CMSS1: variants seen among roughly 807,000 people sequenced by gnomAD.
CMSS1 encodes the protein protein CMSS1.
Under a neutral mutation model 43.5 loss-of-function variants are expected in CMSS1, and 33 were observed. The observed-to-expected ratio is 0.76, with a 90% CI of 0.57 to 1.01. The LOEUF (loss-of-function observed/expected upper bound fraction) is 1.01, where lower values mean the gene tolerates loss of function less well. Ranked by LOEUF, CMSS1 falls within the 50% of genes least tolerant of loss-of-function variation. The probability of loss-of-function intolerance (pLI) is 0.00; values close to 1 mark genes in which losing one functional copy is unlikely to be tolerated. For missense variants in CMSS1, 313 were observed against 326.4 expected (o/e 0.96, Z 0.32); for synonymous variants, 115 against 117.2 (o/e 0.98, Z 0.12).
intron 1 of CMSS1, among the ~76,000 whole-genome samples, chr3:100,042,185 A>G (rs1208741611): frequency 2.0e-5 from 3 of 152,246 alleles, no homozygotes; most frequent in African/African-American, 7.2e-5. Context: ...GTGGCAGTAG[A>G]TGAAAACAAT....
chr3:100,006,801 C>T (rs1263667718), intron 1 of CMSS1, among the ~76,000 whole-genome samples: 1 of 152,158 alleles, frequency 6.6e-6, no homozygotes, highest in African/African-American at 2.4e-5. Context: ...GGCATGTCAG[C>T]CAAAGTAAAC....
At chr3:100,135,438 A>ATATG (rs1491195525) in intron 1 of CMSS1, among the ~76,000 whole-genome samples, 10 of 120,734 alleles carry the variant, frequency 8.3e-5, no homozygotes, top group African/African-American at 2.3e-4. Context: ...GTGTGTGTGC[A>ATATG]TGTGTGTGTG....
At chr3:99,851,182 T>C in intron 1 of CMSS1, 9 of 831,328 alleles carry the variant, frequency 1.1e-5, no homozygotes, top group Non-Finnish European at 1.6e-5. Flanking sequence ...GCTGTGTCAG[T>C]TCATATACAA....
At chr3:99,954,652 C>T (rs770031959) in intron 1 of CMSS1, among the ~76,000 whole-genome samples, 2 of 151,994 alleles carry the variant, frequency 1.3e-5, no homozygotes, top group Non-Finnish European at 2.9e-5. Flanking sequence ...ATGGTGAAAC[C>T]CCGTCTCTAC....
chr3:100,126,579 C>G (rs566643613), intron 1 of CMSS1, among the ~76,000 whole-genome samples: 1 of 152,230 alleles, frequency 6.6e-6, no homozygotes, highest in African/African-American at 2.4e-5. Flanking sequence ...TCTTATTTTT[C>G]TTTCATATTC....
In CMSS1 at chr3:100,176,407, A is replaced by G. The variant is rs144381639; in HGVS notation, c.748A>G (p.Ile250Val). The G allele has an allele frequency of 6.2e-7, 1 of 1,611,084 alleles. No individual in the cohort carries two copies. The highest frequency in any genetic ancestry group is 8.5e-7 in the Non-Finnish European group (1 of 1,177,440). ...TCAGAAGTTGAGGAGAATGATGGAC[A>G]TTCCCGAGGTACCACGTAACCAGCA... ...RDQKLRRMMD[I>V]PEIRKEVFEL... The change falls in exon 9 of 10, where the codon ATT (isoleucine) becomes GTT (valine). Residue 250 changes from isoleucine to valine, a missense_variant. Ile to Val is a conservative substitution (Grantham distance 29). Transcript: ENST00000421999.
rs1492341 is a variant in CMSS1 at position 99,869,703 on chromosome 3, C to T, written c.64+51660C>T. On this transcript the variant is annotated intron_variant, in intron 1 of 9. Coordinates refer to ENST00000421999, the MANE Select transcript of CMSS1 (RefSeq NM_032359.4). ...CAGGCAGACACTTAAGTCTTGCGAG[C>T]CCAAATGTGATGTTTTACATTCCAC... is the stretch of plus-strand genomic sequence containing the variant. Among the ~76,000 whole-genome samples the T allele has an allele frequency of 4.6e-5, 7 of 152,266 alleles. No homozygotes were observed. In the East Asian group the frequency reaches 1.4e-3, roughly 29 times the overall value.
intron 1 of CMSS1, among the ~76,000 whole-genome samples, chr3:100,115,573 CTGT>C (rs2066554929): frequency 9.9e-6 from 1 of 100,578 alleles, no homozygotes; most frequent in Non-Finnish European, 2.1e-5. Flanking sequence ...CTCTCTCTCT[CTGT>C]CTCTCTCTCT....
chr3:100,119,872 T>C (rs527335916), intron 1 of CMSS1, among the ~76,000 whole-genome samples: 182 of 152,338 alleles, frequency 1.2e-3, no homozygotes, highest in African/African-American at 4.2e-3. Context: ...ATATGTAAAA[T>C]TGAAAGTTCT....
chr3:99,869,415 A>G (rs951293892), intron 1 of CMSS1, among the ~76,000 whole-genome samples: 3 of 152,236 alleles, frequency 2.0e-5, no homozygotes, highest in Non-Finnish European at 4.4e-5. Flanking sequence ...GCGACTTCAA[A>G]CATAATGTAT....
chr3:100,177,266 G>T (rs571064975), intron 9 of CMSS1, among the ~76,000 whole-genome samples: 1 of 152,126 alleles, frequency 6.6e-6, no homozygotes, highest in Non-Finnish European at 1.5e-5. Context: ...AAAACAATTT[G>T]CTCAGTTACA....
chr3:99,849,970 T>G, intron 1 of CMSS1: 3 of 1,612,658 alleles, frequency 1.9e-6, no homozygotes, highest in Non-Finnish European at 2.5e-6. Flanking sequence ...TTTCAATTTG[T>G]TTTTTAAATC....
intron 7 of CMSS1, 113 bp downstream of exon 7, chr3:100,172,012 G>A: frequency 1.2e-6 from 1 of 831,042 alleles, no homozygotes; most frequent in South Asian, 1.7e-5. Flanking sequence ...CCTTCCTTAT[G>A]TAACATTTAA....
At chr3:100,145,748 A>G (rs2066844338) in intron 1 of CMSS1, among the ~76,000 whole-genome samples, 1 of 152,238 alleles carries the variant, frequency 6.6e-6, no homozygotes, top group South Asian at 2.1e-4. Flanking sequence ...AGGCAGGAAT[A>G]ATTCTCCCTT....
intron 1 of CMSS1, among the ~76,000 whole-genome samples, chr3:100,104,539 G>T (rs1446389246): frequency 6.6e-6 from 1 of 152,192 alleles, no homozygotes; most frequent in South Asian, 2.1e-4. Context: ...ACATAGGCCT[G>T]TGTTCCCAAG....
intron 1 of CMSS1, among the ~76,000 whole-genome samples, chr3:99,999,489 T>A (rs1709781473): frequency 1.3e-5 from 2 of 152,196 alleles, no homozygotes. Flanking sequence ...CAGACTTTAT[T>A]TAGAGTTGGA....
In CMSS1 at chr3:100,146,997, G is replaced by C; in HGVS notation, c.89G>C (p.Gly30Ala). 10 of 1,613,842 alleles carry C rather than the reference G, an allele frequency of 6.2e-6. No homozygotes were observed. The highest frequency in any genetic ancestry group is 8.5e-6 in the Non-Finnish European group (10 of 1,179,764). ...SPEASDGEGE[G>A]DTEVMQQETV... ...GAAGCATCAGATGGTGAAGGAGAAG[G>C]AGACACAGAAGTGATGCAGCAGGAG... Residue 30 changes from glycine (G) to alanine (A), a missense_variant, in exon 2 of 10, where the codon GGA becomes GCA. By Grantham distance (60) the Gly-to-Ala change is moderately conservative. Coordinates refer to ENST00000421999, the MANE Select transcript of CMSS1 (RefSeq NM_032359.4).
intron 1 of CMSS1, among the ~76,000 whole-genome samples, chr3:99,999,992 A>G (rs969546140): frequency 2.6e-5 from 4 of 152,302 alleles, no homozygotes; most frequent in African/African-American, 9.6e-5. Context: ...GCTTAAAAAC[A>G]AAAAGAAAAG....
chr3:100,129,332 A>G (rs1482168381), intron 1 of CMSS1, among the ~76,000 whole-genome samples: 1 of 152,172 alleles, frequency 6.6e-6, no homozygotes, highest in Non-Finnish European at 1.5e-5. Flanking sequence ...GAGTCCTTTC[A>G]TAATTCTTAG....
Sources: gnomAD v4.1 joint callset for allele counts (sites outside exome capture counted in the v4.1 genomes callset) on GRCh38, gnomAD v4.1.1 for gene constraint, MANE v1.5 for transcripts, NCBI Gene and HGNC (gene_info 2026-07-23, HGNC 2026-07-21) for gene names.